The following MGAT4C variants were observed in gnomAD, a reference collection of about 807,000 sequenced individuals.
MGAT4C encodes the protein MGAT4 family member C, also known as alpha-1,3-mannosyl-glycoprotein 4-beta-N-acetylglucosaminyltransferase C.
MGAT4C carries 19 observed loss-of-function variants against 40.1 expected under a neutral mutation model. The observed-to-expected ratio is 0.47, with a 90% CI of 0.33 to 0.70. The LOEUF (loss-of-function observed/expected upper bound fraction) is 0.70. MGAT4C is among the 30% of genes least tolerant of loss of function. The pLI, the probability that MGAT4C is intolerant of heterozygous loss-of-function variation, is 0.02. For missense variants in MGAT4C, 491 were observed against 563.2 expected (o/e 0.87, Z 1.30); for synonymous variants, 181 against 187.1 (o/e 0.97, Z 0.27).
intron 2 of MGAT4C, among the ~76,000 whole-genome samples, chr12:86,720,672 C>T (rs1950721949): frequency 6.6e-6 from 1 of 152,000 alleles, no homozygotes; most frequent in Admixed American, 6.6e-5. Flanking sequence ...AAATTAAATA[C>T]AGGACATGAT....
At chr12:86,026,810 T>C (rs1231969939) in intron 2 of MGAT4C, among the ~76,000 whole-genome samples, 2 of 151,914 alleles carry the variant, frequency 1.3e-5, no homozygotes, top group African/African-American at 4.8e-5. Flanking sequence ...CTTAGTTAAA[T>C]GAGCTTTCTC....
chr12:86,837,922 T>C (rs1248221024), intron 1 of MGAT4C, among the ~76,000 whole-genome samples: 3 of 152,202 alleles, frequency 2.0e-5, no homozygotes, highest in Non-Finnish European at 4.4e-5. Context: ...TCCCATTTTA[T>C]CGGTTCTGTT....
At chr12:86,193,596 A>G (rs1218274239) in intron 1 of MGAT4C, among the ~76,000 whole-genome samples, 3 of 151,826 alleles carry the variant, frequency 2.0e-5, no homozygotes, top group Non-Finnish European at 4.4e-5. Flanking sequence ...ATAAATTTTT[A>G]TTTTCTTTTT....
intron 2 of MGAT4C, among the ~76,000 whole-genome samples, chr12:86,700,178 C>CAGACAGACAGATAGAT (rs1386887962): frequency 5.7e-5 from 8 of 140,666 alleles, no homozygotes; most frequent in Admixed American, 3.6e-4. Context: ...GACAGACAGA[C>CAGACAGACAGATAGAT]AGATAGATAG....
intron 1 of MGAT4C, among the ~76,000 whole-genome samples, chr12:86,138,556 G>A (rs974713136): frequency 8.4e-5 from 12 of 142,296 alleles, no homozygotes; most frequent in African/African-American, 2.3e-4. Flanking sequence ...GATATATCAT[G>A]TATATATTTC....
chr12:86,153,918 C>T (rs1884605946), intron 1 of MGAT4C, among the ~76,000 whole-genome samples: 1 of 152,126 alleles, frequency 6.6e-6, no homozygotes, highest in Non-Finnish European at 1.5e-5. Flanking sequence ...TTATTGTGAG[C>T]ATTTTTTTCT....
intron 1 of MGAT4C, among the ~76,000 whole-genome samples, chr12:86,802,302 A>G (rs904937893): frequency 1.3e-5 from 2 of 151,980 alleles, no homozygotes; most frequent in African/African-American, 4.8e-5. Context: ...GTCTGTGATT[A>G]CTGAATGCAT....
At chr12:86,486,344 T>C (rs1014694275) in intron 2 of MGAT4C, among the ~76,000 whole-genome samples, 1 of 146,264 alleles carries the variant, frequency 6.8e-6, no homozygotes, top group Non-Finnish European at 1.5e-5. Context: ...ATGTACAGGT[T>C]CAACATAAAA....
At chr12:86,697,508 A>G (rs888947937) in intron 2 of MGAT4C, among the ~76,000 whole-genome samples, 2 of 152,108 alleles carry the variant, frequency 1.3e-5, no homozygotes, top group Non-Finnish European at 2.9e-5. Flanking sequence ...AAAAATCAGA[A>G]TAAAATTTAT....
intron 3 of MGAT4C, among the ~76,000 whole-genome samples, chr12:86,382,260 T>C (rs1472696638): frequency 6.6e-6 from 1 of 152,180 alleles, no homozygotes; most frequent in South Asian, 2.1e-4. Context: ...CAAAGGTGAT[T>C]CCTGTTATAT....
intron 2 of MGAT4C, among the ~76,000 whole-genome samples, chr12:86,602,896 G>A (rs1961837409): frequency 6.6e-6 from 1 of 151,772 alleles, no homozygotes; most frequent in African/African-American, 2.4e-5. Context: ...GTGTGTGTGT[G>A]TGTGTGTGTG....
intron 3 of MGAT4C, among the ~76,000 whole-genome samples, chr12:86,419,690 C>T (rs1482855958): frequency 6.6e-6 from 1 of 151,978 alleles, no homozygotes; most frequent in Non-Finnish European, 1.5e-5. Context: ...ATGGACAAGG[C>T]CATTTCACTT....
At chr12:86,808,881 C>A (rs1048106229) in intron 1 of MGAT4C, among the ~76,000 whole-genome samples, 2 of 152,038 alleles carry the variant, frequency 1.3e-5, no homozygotes, top group Non-Finnish European at 2.9e-5. Flanking sequence ...GTCTAGGAAA[C>A]CTTGTCGTCT....
At chr12:86,787,007 A>G (rs557723911) in intron 1 of MGAT4C, among the ~76,000 whole-genome samples, 17 of 152,146 alleles carry the variant, frequency 1.1e-4, no homozygotes, top group Admixed American at 7.9e-4. Flanking sequence ...TATGTTTTGT[A>G]TTTTTTACTT....
At chr12:86,645,758 T>C (rs1050019055) in intron 2 of MGAT4C, among the ~76,000 whole-genome samples, 3 of 151,778 alleles carry the variant, frequency 2.0e-5, no homozygotes, top group African/African-American at 7.2e-5. Flanking sequence ...AGTGGCCTTT[T>C]ACCCTTGTTT....
chr12:86,587,112 C>T lies in MGAT4C; in HGVS notation c.-229+140097G>A, dbSNP rs1284506246. ...TCTAACATTTAAGTCTTTAATCCAT[C>T]TTGAATTGATTTTTGTATAAGGTGT... On this transcript the variant is annotated intron_variant, in intron 2 of 7. Coordinates refer to the MGAT4C transcript ENST00000548651. Among the ~76,000 whole-genome samples, 7 of 151,964 alleles carry T rather than the reference C, an allele frequency of 4.6e-5. No individual in the cohort carries two copies. The East Asian group carries it at 1.4e-3, about 29-fold the overall frequency.
At chr12:86,135,525 T>G (rs1346449424) in intron 1 of MGAT4C, among the ~76,000 whole-genome samples, 3 of 152,148 alleles carry the variant, frequency 2.0e-5, no homozygotes, top group African/African-American at 7.2e-5. Context: ...GAGGTTGTAT[T>G]ACTTAAAAAA....
chr12:86,418,884 C>CT (rs1277273126), intron 3 of MGAT4C, among the ~76,000 whole-genome samples: 1 of 152,010 alleles, frequency 6.6e-6, no homozygotes, highest in Admixed American at 6.6e-5. Flanking sequence ...CAAGAAATCA[C>CT]TTAGGTCACT....
At chr12:86,047,157 A>G (rs1056999739) in intron 2 of MGAT4C, among the ~76,000 whole-genome samples, 1 of 152,190 alleles carries the variant, frequency 6.6e-6, no homozygotes, top group Non-Finnish European at 1.5e-5. Context: ...GAACTGCTGC[A>G]CTTTTTTTCT....
Sources: gnomAD v4.1 joint callset for allele counts (sites outside exome capture counted in the v4.1 genomes callset) on GRCh38, gnomAD v4.1.1 for gene constraint, MANE v1.5 for transcripts, NCBI Gene and HGNC (gene_info 2026-07-23, HGNC 2026-07-21) for gene names.